The following EPHA3 variants were observed in gnomAD, a reference collection of about 807,000 sequenced individuals.
EPHA3 encodes the protein ephrin type-A receptor 3.
Under a neutral mutation model 107.1 loss-of-function variants are expected in EPHA3, and 42 were observed. The observed-to-expected ratio is 0.39, with a 90% CI of 0.31 to 0.51. The LOEUF is 0.51. EPHA3 is among the 20% of genes least tolerant of loss of function. The pLI is 0.78. For synonymous variants in EPHA3, 461 were observed against 424.8 expected (o/e 1.09, Z -1.05); for missense variants, 1,183 against 1,211.2 (o/e 0.98, Z 0.35).
intron 5 of EPHA3, among the ~76,000 whole-genome samples, chr3:89,343,486 C>T (rs1707578948): frequency 6.6e-6 from 1 of 152,162 alleles, no homozygotes; most frequent in South Asian, 2.1e-4. Context: ...ATTCAGCAAC[C>T]AAAGGGATAA....
At chr3:89,375,514 C>A (rs1369160498) in intron 5 of EPHA3, among the ~76,000 whole-genome samples, 2 of 151,508 alleles carry the variant, frequency 1.3e-5, no homozygotes, top group Non-Finnish European at 3.0e-5. Context: ...ATACTTGCTT[C>A]AGAGTTATCC....
At chr3:89,172,246 C>T (rs1194012805) in intron 2 of EPHA3, among the ~76,000 whole-genome samples, 1 of 152,072 alleles carries the variant, frequency 6.6e-6, no homozygotes, top group African/African-American at 2.4e-5. Context: ...CAGAGTGTTG[C>T]CCTGGCCCTT....
intron 7 of EPHA3, among the ~76,000 whole-genome samples, chr3:89,401,482 C>T (rs144915246): frequency 1.3e-5 from 2 of 152,320 alleles, no homozygotes; most frequent in Admixed American, 6.5e-5. Flanking sequence ...AAATTAAAAA[C>T]TTTAGATGGC....
At chr3:89,268,187 C>T (rs1034805730) in intron 3 of EPHA3, among the ~76,000 whole-genome samples, 6 of 152,050 alleles carry the variant, frequency 3.9e-5, no homozygotes, top group African/African-American at 1.4e-4. Flanking sequence ...AATTCACTTG[C>T]CCCAGCCCAC....
intron 3 of EPHA3, among the ~76,000 whole-genome samples, chr3:89,323,654 C>A (rs1707094692): frequency 1.3e-5 from 2 of 151,990 alleles, no homozygotes; most frequent in African/African-American, 4.8e-5. Flanking sequence ...AGACAAGTAT[C>A]TGGTTCATAA....
At chr3:89,250,720 G>A (rs1248730468) in intron 3 of EPHA3, among the ~76,000 whole-genome samples, 1 of 152,148 alleles carries the variant, frequency 6.6e-6, no homozygotes, top group Admixed American at 6.5e-5. Context: ...CTGCCCATTA[G>A]CAAGATCCTT....
At position 89,416,287 on chromosome 3, in the gene EPHA3, C is replaced by A. The variant is rs554305179; in HGVS notation, c.1889-2918C>A. Among the ~76,000 whole-genome samples the A allele has an allele frequency of 5.0e-4, 76 of 151,342 alleles. 2 individuals carry two copies. The South Asian group carries it at 0.01, about 21-fold the overall frequency. On this transcript the variant is annotated intron_variant, in intron 10 of 16. Transcript: ENST00000336596. ...GCCGCACTTATTAGAATTAAAAAAT[C>A]AAGATCTGGCAGCCATGCTTTTATC...
At chr3:89,129,389 T>C (rs1704154870) in intron 2 of EPHA3, among the ~76,000 whole-genome samples, 2 of 152,102 alleles carry the variant, frequency 1.3e-5, no homozygotes, top group South Asian at 4.1e-4. Context: ...CTTATCATTA[T>C]TATTTGCAGG....
chr3:89,341,962 C>A lies in EPHA3; in HGVS notation c.1178C>A (p.Thr393Lys). ...CGACAGTTTGGACTCACCAACACCA[C>A]GGTGACAGTGACAGACCTTCTGGCA... ...LPRQFGLTNT[T>K]VTVTDLLAHT... Residue 393 changes from threonine (T) to lysine (K), a missense_variant, in exon 5 of 17, where the codon ACG becomes AAG. Thr to Lys is a moderately conservative substitution (Grantham distance 78, BLOSUM62 -1). Coordinates refer to ENST00000336596, the MANE Select transcript of EPHA3 (RefSeq NM_005233.6). 1 of 1,613,460 alleles carries A rather than the reference C, an allele frequency of 6.2e-7. No homozygotes were observed. Among genetic ancestry groups the A allele is most frequent in the South Asian group, 1.1e-5 (1 of 91,004 alleles).
intron 13 of EPHA3, among the ~76,000 whole-genome samples, chr3:89,435,362 G>A (rs1005693977): frequency 2.0e-5 from 3 of 150,450 alleles, no homozygotes; most frequent in Non-Finnish European, 4.4e-5. Flanking sequence ...CACTTCGAGA[G>A]GCCAAGGCAG....
intron 1 of EPHA3, among the ~76,000 whole-genome samples, chr3:89,125,931 G>A (rs1704088780): frequency 6.6e-6 from 1 of 151,330 alleles, no homozygotes; most frequent in Non-Finnish European, 1.5e-5. Flanking sequence ...CAAAAAAATA[G>A]TTGAGATGAT....
chr3:89,209,906 C>A lies in EPHA3; in HGVS notation c.200C>A (p.Thr67Asn), dbSNP rs1400426073. The A allele has an allele frequency of 1.9e-6, 3 of 1,612,990 alleles. No individual in the cohort carries two copies. Among genetic ancestry groups the A allele is most frequent in the Non-Finnish European group, 2.5e-6 (3 of 1,179,482 alleles). Residue 67 changes from threonine to asparagine, a missense_variant, in exon 3 of 17, where the codon ACT becomes AAT. Coordinates refer to ENST00000336596, the MANE Select transcript of EPHA3 (RefSeq NM_005233.6). ...GATGAACATTACACACCCATCAGGACTTACCAGGTGTGCAATGTCATGGAC... is the reference window on the plus strand; with the variant it reads ...GATGAACATTACACACCCATCAGGAATTACCAGGTGTGCAATGTCATGGAC... ...GVDEHYTPIR[T>N]YQVCNVMDHS...
Position 89,428,271 on chromosome 3 carries a change from A to C in EPHA3, c.2075-835A>C, listed in dbSNP as rs114060824. On this transcript the variant is annotated intron_variant, in intron 11 of 16. Coordinates refer to ENST00000336596, the MANE Select transcript of EPHA3 (RefSeq NM_005233.6). ...TTTATAACTTGTTAGATGTATGATG[A>C]CCAGCAAGTTAATTAGCCTCTGTGT... Among the ~76,000 whole-genome samples the C allele has an allele frequency of 9.7e-3, 1,478 of 152,148 alleles. 27 individuals carry two copies. Among genetic ancestry groups the C allele is most frequent in the African/African-American group, 0.034 (1,414 of 41,556 alleles).
At chr3:89,347,179 A>T (rs1419647194) in intron 5 of EPHA3, among the ~76,000 whole-genome samples, 1 of 138,038 alleles carries the variant, frequency 7.2e-6, no homozygotes, top group Non-Finnish European at 1.6e-5. Flanking sequence ...CTTGATGGGG[A>T]TGGCATTGAA....
intron 2 of EPHA3, among the ~76,000 whole-genome samples, chr3:89,136,329 G>GCTTTTTTTTTTTTTTTTTTTT (rs1704309369): frequency 4.2e-5 from 1 of 23,870 alleles, no homozygotes; most frequent in Non-Finnish European, 8.6e-5. Context: ...AATCTTACAG[G>GCTTTTTTTTTTTTTTTTTTTT]CTTTTTTTTT....
At chr3:89,281,005 T>TTTTTTATTTATG in intron 3 of EPHA3, among the ~76,000 whole-genome samples, 1 of 37,250 alleles carries the variant, frequency 2.7e-5, no homozygotes. Context: ...AAGATTTTTA[T>TTTTTTATTTATG]TATTTATTTA....
chr3:89,440,540 C>T (rs1399326020), intron 13 of EPHA3, among the ~76,000 whole-genome samples: 2 of 152,168 alleles, frequency 1.3e-5, no homozygotes, highest in East Asian at 1.9e-4. Context: ...TAACCCATAC[C>T]GCATGAGCTG....
intron 2 of EPHA3, among the ~76,000 whole-genome samples, chr3:89,189,330 C>G (rs2107136670): frequency 6.6e-6 from 1 of 152,278 alleles, no homozygotes; most frequent in East Asian, 1.9e-4. Context: ...CACGGTGGCT[C>G]ACGTCTGTAA....
At chr3:89,292,717 C>T (rs1364129566) in intron 3 of EPHA3, among the ~76,000 whole-genome samples, 1 of 152,062 alleles carries the variant, frequency 6.6e-6, no homozygotes, top group African/African-American at 2.4e-5. Flanking sequence ...TTCATTTATT[C>T]GTTTAACTTT....
Sources: allele counts gnomAD v4.1 joint callset (sites outside exome capture counted in the v4.1 genomes callset), GRCh38; gene constraint gnomAD v4.1.1; transcripts MANE v1.5; gene names NCBI Gene and HGNC (gene_info 2026-07-23, HGNC 2026-07-21).